TMEM116: variants seen among roughly 807,000 people sequenced by gnomAD.
The protein encoded by TMEM116 is transmembrane protein 116.
A neutral mutation model predicts 44.3 loss-of-function variants in TMEM116; 38 were observed. The ratio of observed to expected loss-of-function variants is 0.86; its 90% CI spans 0.66 to 1.12. The LOEUF (loss-of-function observed/expected upper bound fraction) is 1.12, where lower values mean the gene tolerates loss of function less well. TMEM116 is among the 50% of genes most tolerant of loss of function. The probability of loss-of-function intolerance (pLI) is 0.00; values close to 1 mark genes in which losing one functional copy is unlikely to be tolerated. For missense variants in TMEM116, 354 were observed against 401.7 expected (o/e 0.88, Z 1.01); for synonymous variants, 132 against 144.8 (o/e 0.91, Z 0.64).
intron 5 of TMEM116, among the ~76,000 whole-genome samples, chr12:111,939,948 C>A (rs542149949): frequency 3.0e-5 from 4 of 134,676 alleles, no homozygotes; most frequent in South Asian, 5.0e-4. Flanking sequence ...GGAGCTACTA[C>A]AACAGCAGAC....
Position 111,931,704 on chromosome 12 carries a change from A to C in TMEM116, c.931T>G (p.Ser311Ala). The C allele has an allele frequency of 1.2e-6, 2 of 1,613,994 alleles. No individual in the cohort carries two copies. Among genetic ancestry groups the C allele is most frequent in the African/African-American group, 2.7e-5 (2 of 75,030 alleles). ...CCCCTGCTATAGAATCTCTTCTGTG[A>C]GCATAATAATGGTGTCTGGGTATCT... The part of the protein sequence containing the change: ...DADTQTPLLC[S>A]QKRFYSRGLN... The change falls in exon 11 of 11, where the codon TCA becomes GCA. Residue 311 changes from serine (S) to alanine (A), a missense_variant. Physicochemically the swap from Ser to Ala is moderately conservative, Grantham distance 99 (BLOSUM62 1). Coordinates refer to ENST00000552374, the MANE Select transcript of TMEM116 (RefSeq NM_001193531.2).
In TMEM116 at chr12:112,000,799, T is replaced by C. The variant is rs1006508112; in HGVS notation, c.78+3001A>G. The C allele has an allele frequency of 5.7e-6, 3 of 526,600 alleles. No individual in the cohort carries two copies. The African/African-American group carries it at 5.8e-5, about 10-fold the overall frequency. 32.6% of individuals were successfully genotyped at this position (526,600 alleles called of 1,614,324 possible). ...TTTACTATTATCAATGGCATTCTCA[T>C]CACAGTTGTTACAGATTGAATACGG... On this transcript the variant is annotated intron_variant, in intron 3 of 10. Transcript: ENST00000552374.
In TMEM116 at chr12:111,931,318, A is replaced by G. The variant is rs1411359483; in HGVS notation, c.*303T>C. On this transcript the variant is annotated 3_prime_UTR_variant, in exon 11 of 11. Transcript: ENST00000552374. ...ACATATAAATAATAATCTAGAATTT[A>G]TTTTTTCTAGAAGAGACTTAGACAA... is the stretch of plus-strand genomic sequence containing the variant. 6.2e-6 allele frequency: 2 copies of G among 322,394 alleles called. No homozygotes were observed. Among genetic ancestry groups the G allele is most frequent in the African/African-American group, 4.4e-5 (2 of 45,282 alleles). 20.0% of individuals were successfully genotyped at this position (322,394 alleles called of 1,614,324 possible).
In TMEM116 at chr12:111,937,143, A is replaced by T. The variant is rs375673833; in HGVS notation, c.449+17T>A. On this transcript the variant is annotated intron_variant, in intron 7 of 10. Transcript: ENST00000552374. ...GTGTAGTCTGCCATGAAAATTATAC[A>T]TTTAGTTCTTACTTACTTGTGGCTC... 6.3e-7 allele frequency: 1 copy of T among 1,597,040 alleles called. No individual in the cohort carries two copies. Among genetic ancestry groups the T allele is most frequent in the South Asian group, 1.1e-5 (1 of 90,670 alleles).
At chr12:112,005,169 C>T in intron 2 of TMEM116, 88 bp downstream of exon 2, 1 of 905,540 alleles carries the variant, frequency 1.1e-6, no homozygotes, top group Non-Finnish European at 1.6e-6. Context: ...AGAGTAAAAG[C>T]AAATCCCCAA....
chr12:111,974,747 A>G (rs2075570731), intron 4 of TMEM116, among the ~76,000 whole-genome samples: 1 of 152,050 alleles, frequency 6.6e-6, no homozygotes, highest in Non-Finnish European at 1.5e-5. Context: ...ATGATCATCC[A>G]TGTAGAAAAG....
In TMEM116 at chr12:112,006,029, C is replaced by T. The variant is rs531618226; in HGVS notation, c.-33-726G>A. On this transcript the variant is annotated intron_variant, in intron 1 of 10. Transcript: ENST00000552374. ...TCAGTCCCAGCTACCCTTGAGCAGC[C>T]GATCCTTCCTAGTCAGGTTCTGAAT... 11 of 980,138 alleles carry T rather than the reference C, an allele frequency of 1.1e-5. No homozygotes were observed. In the African/African-American group the frequency reaches 1.7e-4, roughly 16 times the overall value. 60.7% of individuals were successfully genotyped at this position (980,138 alleles called of 1,614,324 possible).
intron 4 of TMEM116, among the ~76,000 whole-genome samples, chr12:111,943,980 T>C (rs1257915404): frequency 6.6e-6 from 1 of 152,210 alleles, no homozygotes; most frequent in African/African-American, 2.4e-5. Flanking sequence ...ATAATCTTTT[T>C]CTATTTTATT....
chr12:111,952,142 T>A (rs1272280253), intron 4 of TMEM116, among the ~76,000 whole-genome samples: 1 of 152,026 alleles, frequency 6.6e-6, no homozygotes, highest in African/African-American at 2.4e-5. Flanking sequence ...GGCAGGAGAA[T>A]CACTTGAACC....
chr12:112,005,358 A>G (rs1385304010), intron 1 of TMEM116, 55 bp from the exon 2 acceptor site: 3 of 1,172,442 alleles, frequency 2.6e-6, no homozygotes, highest in Non-Finnish European at 3.3e-6. Context: ...TGAATATTCA[A>G]CCTAAGTTCA....
chr12:111,962,636 G>A lies in TMEM116; in HGVS notation c.211-19267C>T, dbSNP rs547920764. 2.2e-3 allele frequency among the ~76,000 whole-genome samples: 341 copies of A among 152,128 alleles called. 2 individuals are homozygous for A. The highest frequency in any genetic ancestry group is 7.4e-3 in the African/African-American group (308 of 41,506). On this transcript the variant is annotated intron_variant, in intron 4 of 10. Transcript: ENST00000552374. ...TGTGCAGAAAACTGAAACTGGACCC[G>A]TTCCTTACACCTTATACAAAAATTA...
chr12:111,969,849 G>T (rs2075229594), intron 4 of TMEM116, among the ~76,000 whole-genome samples: 2 of 152,106 alleles, frequency 1.3e-5, no homozygotes, highest in South Asian at 4.1e-4. Flanking sequence ...CAAAGTGCGG[G>T]GATTACAGGT....
intron 4 of TMEM116, among the ~76,000 whole-genome samples, chr12:111,949,735 T>C (rs2073566816): frequency 6.6e-6 from 1 of 152,188 alleles, no homozygotes; most frequent in African/African-American, 2.4e-5. Context: ...ATGGACTAGA[T>C]CCTAAAATCT....
chr12:111,981,218 A>G (rs577969994), intron 4 of TMEM116, among the ~76,000 whole-genome samples: 1 of 152,334 alleles, frequency 6.6e-6, no homozygotes, highest in African/African-American at 2.4e-5. Flanking sequence ...CTAACGCAAC[A>G]ATTAAGCTGG....
intron 4 of TMEM116, among the ~76,000 whole-genome samples, chr12:111,973,013 C>T (rs1345605481): frequency 1.3e-5 from 2 of 152,146 alleles, no homozygotes; most frequent in Non-Finnish European, 2.9e-5. Context: ...TGGCACGCTC[C>T]TGTAGTCCCA....
At position 111,992,100 on chromosome 12, in the gene TMEM116, G is replaced by C. The variant is rs779593416; in HGVS notation, c.79-211C>G. Among the ~76,000 whole-genome samples, 29 of 152,150 alleles carry C rather than the reference G, an allele frequency of 1.9e-4. 1 individual carries two copies. In the South Asian group the frequency reaches 2.3e-3, roughly 12 times the overall value. On this transcript the variant is annotated intron_variant, in intron 3 of 10. Transcript: ENST00000552374. The stretch of plus-strand genomic sequence containing the variant: ...AACCACAGTTATCCCAACTGTTCTG[G>C]AATCAGAGTACTCATGGATAGATTA...
At chr12:111,951,476 C>T (rs1323962722) in intron 4 of TMEM116, among the ~76,000 whole-genome samples, 1 of 152,140 alleles carries the variant, frequency 6.6e-6, no homozygotes, top group Non-Finnish European at 1.5e-5. Context: ...TCATGGAATA[C>T]CATACAGTCA....
chr12:112,002,778 A>T (rs936662035), intron 3 of TMEM116, among the ~76,000 whole-genome samples: 1 of 152,192 alleles, frequency 6.6e-6, no homozygotes, highest in African/African-American at 2.4e-5. Context: ...TTCAACATAC[A>T]GAAGTTATTT....
intron 4 of TMEM116, among the ~76,000 whole-genome samples, chr12:111,961,124 G>C (rs1009530770): frequency 1.3e-5 from 2 of 152,188 alleles, no homozygotes; most frequent in African/African-American, 4.8e-5. Flanking sequence ...ACTAAACCAG[G>C]AAGAAGGTGA....
Sources: gnomAD v4.1 joint callset for allele counts (sites outside exome capture counted in the v4.1 genomes callset) on GRCh38, gnomAD v4.1.1 for gene constraint, MANE v1.5 for transcripts, NCBI Gene and HGNC (gene_info 2026-07-23, HGNC 2026-07-21) for gene names.